RIC1: variants seen among roughly 807,000 people sequenced by gnomAD.
RIC1 encodes the protein guanine nucleotide exchange factor subunit RIC1.
In RIC1, 88 loss-of-function variants were observed where a neutral mutation model predicts 169.0. The ratio of observed to expected loss-of-function variants is 0.52; its 90% CI spans 0.44 to 0.62. The LOEUF is 0.62. RIC1 is among the 20% of genes least tolerant of loss of function. The pLI is 0.00. For synonymous variants in RIC1, 790 were observed against 601.5 expected (o/e 1.31, Z -4.59); for missense variants, 1,877 against 1,725.5 (o/e 1.09, Z -1.56).
Position 5,762,622 on chromosome 9 carries a change from C to T in RIC1, c.2074C>T (p.Arg692Trp), listed in dbSNP as rs145869379. The T allele has an allele frequency of 2.1e-5, 34 of 1,613,726 alleles. No homozygotes were observed. The African/African-American group carries it at 2.8e-4, about 13-fold the overall frequency. ...GAGGGACAGGTCAGGCCCACAGATCCGGGAGAAGGACAGTAACCCTAATAA... is the reference window on the plus strand; with the variant it reads ...GAGGGACAGGTCAGGCCCACAGATCTGGGAGAAGGACAGTAACCCTAATAA... ...MQRDRSGPQI[R>W]EKDSNPNNQR... is the part of the protein sequence containing the mutation. The change falls in exon 18 of 26, where the codon CGG (arginine) becomes TGG (tryptophan). Residue 692 changes from arginine (R) to tryptophan (W), a missense_variant. Physicochemically the swap from Arg to Trp is moderately radical, Grantham distance 101. Coordinates refer to ENST00000414202, the MANE Select transcript of RIC1 (RefSeq NM_020829.4).
At chr9:5,727,218 C>A (rs1824050453) in intron 6 of RIC1, among the ~76,000 whole-genome samples, 1 of 152,232 alleles carries the variant, frequency 6.6e-6, no homozygotes, top group Non-Finnish European at 1.5e-5. Context: ...CATCTTTTCA[C>A]ACAGTCCCAT....
At chr9:5,683,558 T>G (rs1296080590) in intron 2 of RIC1, among the ~76,000 whole-genome samples, 2 of 152,170 alleles carry the variant, frequency 1.3e-5, no homozygotes, top group Admixed American at 1.3e-4. Flanking sequence ...CTGTCCCTAC[T>G]GGGGGGTGCC....
chr9:5,723,530 T>C (rs1429434525), intron 6 of RIC1, among the ~76,000 whole-genome samples: 1 of 152,260 alleles, frequency 6.6e-6, no homozygotes, highest in East Asian at 1.9e-4. Flanking sequence ...CTGATGGTAG[T>C]TTCTTTTGCT....
At chr9:5,704,537 T>C (rs1375512050) in intron 3 of RIC1, among the ~76,000 whole-genome samples, 1 of 152,202 alleles carries the variant, frequency 6.6e-6, no homozygotes, top group African/African-American at 2.4e-5. Context: ...ATTGGTTTGT[T>C]TATCTTTGAG....
At chr9:5,736,017 G>A (rs1023399821) in intron 7 of RIC1, among the ~76,000 whole-genome samples, 6 of 152,128 alleles carry the variant, frequency 3.9e-5, no homozygotes, top group Non-Finnish European at 8.8e-5. Context: ...AGAAATGGAA[G>A]GAAAAGTAGT....
intron 3 of RIC1, among the ~76,000 whole-genome samples, chr9:5,692,824 C>G (rs1364444311): frequency 6.6e-6 from 1 of 152,002 alleles, no homozygotes; most frequent in Non-Finnish European, 1.5e-5. Context: ...ATTATAAACC[C>G]TTCTGTAGTT....
rs1325496999 is a variant in RIC1 at position 5,763,061 on chromosome 9, TAGTAA to T, written c.2113-77_2113-73del. 1.3e-6 allele frequency: 2 copies of T among 1,487,750 alleles called. No individual in the cohort carries two copies. The highest frequency in any genetic ancestry group is 4.6e-5 in the East Asian group (2 of 43,902). 92.2% of individuals were successfully genotyped at this position (1,487,750 alleles called of 1,614,324 possible). On this transcript the variant is annotated intron_variant, in intron 18 of 25. Coordinates refer to ENST00000414202, the MANE Select transcript of RIC1 (RefSeq NM_020829.4). The surrounding 1 kb of genome is among the most constrained non-coding windows in gnomAD (Gnocchi z 5.2). ...ATATTATACTATCATTTGAAAGACTTAGTAAACTAGTACCTAGGAACTTAAGAACC... is the reference window on the plus strand; with the variant it reads ...ATATTATACTATCATTTGAAAGACTTACTAGTACCTAGGAACTTAAGAACC...
chr9:5,647,032 C>G (rs961243084), intron 1 of RIC1, among the ~76,000 whole-genome samples: 11 of 152,070 alleles, frequency 7.2e-5, no homozygotes. Flanking sequence ...ATGTGGATAT[C>G]CAGTTTTCCC....
At position 5,753,529 on chromosome 9, in the gene RIC1, T is replaced by A. The variant is rs1222434774; in HGVS notation, c.1492-7T>A. The A allele has an allele frequency of 2.6e-6, 4 of 1,547,822 alleles. No homozygotes were observed. The highest frequency in any genetic ancestry group is 1.9e-5 in the Admixed American group (1 of 51,886). On this transcript the variant is annotated splice_polypyrimidine_tract_variant and splice_region_variant and intron_variant, in intron 13 of 25. Transcript: ENST00000414202. ...AAGGAAAAGTTCTTATTTTTTTTTT[T>A]AAACAGTTTTCAGCTATTGATAAGC... is the stretch of plus-strand genomic sequence containing the variant.
rs191720862 is a variant in RIC1 at position 5,734,162 on chromosome 9, A to G, written c.812+1683A>G. The stretch of plus-strand genomic sequence containing the variant: ...CGCTCTGTCGCCCTGGCTAGAGTGC[A>G]AGAGCGTGATCTTGGCTCACCGCAA... On this transcript the variant is annotated intron_variant, in intron 7 of 25. Transcript: ENST00000414202. Among the ~76,000 whole-genome samples, 99 of 151,428 alleles carry G rather than the reference A, an allele frequency of 6.5e-4. No individual in the cohort carries two copies. In the Middle Eastern group the frequency reaches 0.031, roughly 47 times the overall value.
Position 5,776,245 on chromosome 9 carries a change from A to C in RIC1, c.*1999A>C, listed in dbSNP as rs1358060256. On this transcript the variant is annotated 3_prime_UTR_variant, in exon 26 of 26. Coordinates refer to ENST00000414202, the MANE Select transcript of RIC1 (RefSeq NM_020829.4). ...AGAGATAGGAGGCCCCCAGGCAAGAAGTTTGGCAGGTTTACAGAAAATTTG... is the reference window on the plus strand; with the variant it reads ...AGAGATAGGAGGCCCCCAGGCAAGACGTTTGGCAGGTTTACAGAAAATTTG... 1 of 152,126 alleles carries C rather than the reference A, an allele frequency of 6.6e-6. No individual in the cohort carries two copies. The highest frequency in any genetic ancestry group is 1.5e-5 in the Non-Finnish European group (1 of 67,980). The allele number at this position is 152,126 out of a possible 1,614,324, so 9.4% of individuals were successfully genotyped here. A position where few individuals can be genotyped will look rare whatever the true frequency, so the allele number is the denominator to read the frequency against.
intron 17 of RIC1, among the ~76,000 whole-genome samples, chr9:5,761,334 G>C (rs771152999): frequency 2.0e-5 from 3 of 151,568 alleles, no homozygotes; most frequent in Non-Finnish European, 4.4e-5. Flanking sequence ...GGTTGGTCTT[G>C]AACTCCTGAC....
chr9:5,717,095 C>G (rs1823292529), intron 4 of RIC1, among the ~76,000 whole-genome samples: 1 of 152,172 alleles, frequency 6.6e-6, no homozygotes, highest in Non-Finnish European at 1.5e-5. Flanking sequence ...ATTCCAATAT[C>G]AAGATTATCT....
downstream of RIC1, among the ~76,000 whole-genome samples, chr9:5,778,405 C>G (rs1316841211): frequency 6.6e-6 from 1 of 152,148 alleles, no homozygotes; most frequent in Non-Finnish European, 1.5e-5. Context: ...GCCAAACGGT[C>G]CTGGCTAGAG....
intron 25 of RIC1, 58 bp from the exon 26 acceptor site, chr9:5,773,899 TG>T (rs1438985891): frequency 3.5e-6 from 5 of 1,440,202 alleles, no homozygotes; most frequent in Non-Finnish European, 4.7e-6. Context: ...TCACCCGTAA[TG>T]TTCTACCAAA....
intron 1 of RIC1, among the ~76,000 whole-genome samples, chr9:5,646,336 TAC>T (rs1818510060): frequency 6.6e-6 from 1 of 152,188 alleles, no homozygotes; most frequent in Non-Finnish European, 1.5e-5. Context: ...TGGTTTCTAA[TAC>T]AGTTATGCTC....
intron 21 of RIC1, among the ~76,000 whole-genome samples, chr9:5,766,269 T>C (rs1401429635): frequency 6.6e-6 from 1 of 152,212 alleles, no homozygotes; most frequent in East Asian, 1.9e-4. Flanking sequence ...CTCGAACTCC[T>C]GGCCTCAAGG....
chr9:5,655,868 T>C (rs1183522212), intron 1 of RIC1, among the ~76,000 whole-genome samples: 1 of 151,926 alleles, frequency 6.6e-6, no homozygotes, highest in African/African-American at 2.4e-5. Flanking sequence ...CTGTAGTGTT[T>C]TTTTGTTTTT....
Position 5,756,244 on chromosome 9 carries a change from C to T in RIC1, c.1725C>T (p.Asp575=). 1 of 1,596,016 alleles carries T rather than the reference C, an allele frequency of 6.3e-7. No individual in the cohort carries two copies. The change falls in exon 16 of 26, where the codon GAC becomes GAT. Residue 575 remains aspartate, a synonymous_variant. Coordinates refer to ENST00000414202, the MANE Select transcript of RIC1 (RefSeq NM_020829.4). ...TATACTTGCGAACATCAAATCTGGA[C>T]AATGCCTTTGCTCATGTCACCAAAG... is the stretch of plus-strand genomic sequence containing the variant. ...LRVYLRTSNL[D]NAFAHVTKAQ...
Sources: gnomAD v4.1 joint callset for allele counts (sites outside exome capture counted in the v4.1 genomes callset) on GRCh38, gnomAD v4.1.1 for gene constraint, Gnocchi (gnomAD v3.1) non-coding constraint, MANE v1.5 for transcripts, NCBI Gene and HGNC (gene_info 2026-07-23, HGNC 2026-07-21) for gene names.